The following SLC38A12 variants were observed in gnomAD, a reference collection of about 807,000 sequenced individuals.
SLC38A12 encodes the protein solute carrier family 38 member 12.
the SLC38A12 span, among the ~76,000 whole-genome samples, chr17:74,829,763 G>T: frequency 6.6e-6 from 1 of 152,072 alleles, no homozygotes; most frequent in African/African-American, 2.4e-5. This position sits in a 1 kb window ranked among gnomAD's most constrained non-coding sequence, Gnocchi z 4.1. Context: ...ACCCCTCCCC[G>T]CCCAGGCCTG....
the SLC38A12 span, among the ~76,000 whole-genome samples, chr17:74,781,792 A>C: frequency 6.6e-6 from 1 of 152,156 alleles, no homozygotes; most frequent in Non-Finnish European, 1.5e-5. Context: ...CAAAACATCC[A>C]ACCCCCTGTG....
chr17:74,812,468 C>G, the SLC38A12 span, among the ~76,000 whole-genome samples: 2 of 152,212 alleles, frequency 1.3e-5, no homozygotes, highest in Non-Finnish European at 2.9e-5. Flanking sequence ...CACTACACTT[C>G]AAGGACGTGT....
the SLC38A12 span, among the ~76,000 whole-genome samples, chr17:74,816,888 T>A: frequency 2.0e-5 from 3 of 152,166 alleles, no homozygotes; most frequent in Non-Finnish European, 4.4e-5. Context: ...CTGTCTCTTT[T>A]GGCTTTTTAT....
the SLC38A12 span, chr17:74,819,770 C>G: frequency 6.2e-7 from 1 of 1,614,226 alleles, no homozygotes; most frequent in South Asian, 1.1e-5. Flanking sequence ...CTCTCCTCCT[C>G]GGACCGTTCA....
chr17:74,839,228 G>A, the SLC38A12 span: 2 of 1,441,612 alleles, frequency 1.4e-6, no homozygotes, highest in African/African-American at 2.8e-5. Context: ...GGTGGAGGTG[G>A]GCAGTGGCAC....
chr17:74,825,488 C>G, the SLC38A12 span, among the ~76,000 whole-genome samples: 1 of 152,238 alleles, frequency 6.6e-6, no homozygotes. Context: ...GGCAAACAGC[C>G]AGCCATGTGC....
At chr17:74,787,815 A>G in the SLC38A12 span, among the ~76,000 whole-genome samples, 1 of 145,256 alleles carries the variant, frequency 6.9e-6, no homozygotes. Flanking sequence ...TTTTTTTGAG[A>G]CAGAATCTCG....
the SLC38A12 span, chr17:74,835,985 G>A: frequency 6.2e-7 from 1 of 1,610,994 alleles, no homozygotes. Flanking sequence ...AAGGGGAGGG[G>A]CACCCGCCCC....
At chr17:74,825,116 G>A in the SLC38A12 span, among the ~76,000 whole-genome samples, 1 of 152,164 alleles carries the variant, frequency 6.6e-6, no homozygotes, top group Non-Finnish European at 1.5e-5. Context: ...GTGCCTCTCA[G>A]AGGTCCCAGA....
chr17:74,776,734 G>A, the SLC38A12 span, among the ~76,000 whole-genome samples: 1 of 152,214 alleles, frequency 6.6e-6, no homozygotes, highest in Non-Finnish European at 1.5e-5. Context: ...GGAGCTTTGA[G>A]GGTGGGGAAC....
the SLC38A12 span, among the ~76,000 whole-genome samples, chr17:74,783,886 C>T: frequency 6.5e-4 from 98 of 151,770 alleles, no homozygotes; most frequent in African/African-American, 2.2e-3. Flanking sequence ...ACACGCCACC[C>T]CCCAGCTAAT....
At chr17:74,813,222 C>T in the SLC38A12 span, among the ~76,000 whole-genome samples, 2 of 152,204 alleles carry the variant, frequency 1.3e-5, no homozygotes, top group African/African-American at 4.8e-5. Flanking sequence ...GCATTTGTCT[C>T]CATGGGACAT....
At chr17:74,777,243 A>G in the SLC38A12 span, 44 of 1,479,050 alleles carry the variant, frequency 3.0e-5, no homozygotes, top group Non-Finnish European at 4.0e-5. Flanking sequence ...AGATAGGTGA[A>G]GCCTGCTCTT....
At chr17:74,791,673 C>T in the SLC38A12 span, among the ~76,000 whole-genome samples, 1 of 152,230 alleles carries the variant, frequency 6.6e-6, no homozygotes, top group Non-Finnish European at 1.5e-5. Flanking sequence ...CGCTAGGAGC[C>T]CACACCCAGG....
the SLC38A12 span, among the ~76,000 whole-genome samples, chr17:74,813,649 C>G: frequency 6.6e-6 from 1 of 151,954 alleles, no homozygotes; most frequent in Non-Finnish European, 1.5e-5. Context: ...TACAGGCACC[C>G]GCCACCACGC....
the SLC38A12 span, among the ~76,000 whole-genome samples, chr17:74,827,639 T>G: frequency 2.3e-4 from 35 of 152,168 alleles, no homozygotes; most frequent in Admixed American, 6.5e-5. This position sits in a 1 kb window ranked among gnomAD's most constrained non-coding sequence, Gnocchi z 4.7. Flanking sequence ...GCCCCAAGAT[T>G]ACACAGTTAA....
At chr17:74,794,990 C>T in the SLC38A12 span, 2 of 1,599,166 alleles carry the variant, frequency 1.3e-6, no homozygotes, top group Non-Finnish European at 1.7e-6. Flanking sequence ...GGCTCCCTGA[C>T]TGATGGCTGT....
At chr17:74,804,584 A>G in the SLC38A12 span, among the ~76,000 whole-genome samples, 3 of 152,390 alleles carry the variant, frequency 2.0e-5, no homozygotes, top group African/African-American at 4.8e-5. Context: ...GAACATTTTC[A>G]TAAGCCTCAG....
At chr17:74,793,297 C>T in the SLC38A12 span, among the ~76,000 whole-genome samples, 1 of 152,142 alleles carries the variant, frequency 6.6e-6, no homozygotes, top group Non-Finnish European at 1.5e-5. Flanking sequence ...TTGCCAGTAG[C>T]ACCTCCTACT....
Sources: allele counts gnomAD v4.1 joint callset (sites outside exome capture counted in the v4.1 genomes callset), GRCh38; gene constraint gnomAD v4.1.1; non-coding constraint Gnocchi (gnomAD v3.1); transcripts MANE v1.5; gene names NCBI Gene and HGNC (gene_info 2026-07-23, HGNC 2026-07-21).